Variants in MET observed in about 807,000 individuals in gnomAD.
The protein encoded by MET is hepatocyte growth factor receptor.
In MET, 48 loss-of-function variants were observed where a neutral mutation model predicts 133.1. The observed-to-expected ratio is 0.36, with a 90% CI of 0.29 to 0.46. The LOEUF is 0.46. MET is among the 20% of genes least tolerant of loss of function. MET has a pLI of 1.00. For missense variants in MET, 1,442 were observed against 1,695.9 expected, an observed-to-expected ratio of 0.85 and a Z score of 2.63; for synonymous variants, 628 against 616.5, an observed-to-expected ratio of 1.02 and a Z score of -0.28.
intron 2 of MET, chr7:116,724,284 C>A (rs1440134288): frequency 5.8e-6 from 1 of 172,284 alleles, no homozygotes; most frequent in African/African-American, 2.4e-5. Context: ...ATCCCTGACC[C>A]CTTGTGCTTC....
chr7:116,678,972 A>T (rs1294821030), intron 1 of MET, among the ~76,000 whole-genome samples: 2 of 152,184 alleles, frequency 1.3e-5, no homozygotes, highest in Non-Finnish European at 2.9e-5. Flanking sequence ...CAAAAATCTG[A>T]TTAGGTCTAA....
chr7:116,795,618 T>G, intron 19 of MET, 37 bp from the exon 20 acceptor site: 1 of 1,612,550 alleles, frequency 6.2e-7, no homozygotes, highest in Non-Finnish European at 8.5e-7. Context: ...TATGGTCACA[T>G]CTCTCACCTC....
At chr7:116,717,825 A>G (rs898666331) in intron 2 of MET, among the ~76,000 whole-genome samples, 1 of 152,244 alleles carries the variant, frequency 6.6e-6, no homozygotes, top group Non-Finnish European at 1.5e-5. Context: ...TATTCACTGC[A>G]TACATCATAA....
intron 19 of MET, among the ~76,000 whole-genome samples, chr7:116,791,308 T>A (rs940017518): frequency 7.9e-5 from 12 of 152,170 alleles, no homozygotes; most frequent in African/African-American, 2.9e-4. Context: ...TCATTTTATG[T>A]CCCCACCAGC....
rs2116837050 is a variant in MET at position 116,740,980 on chromosome 7, G to T, written c.1656G>T (p.Leu552=). The T allele has an allele frequency of 6.2e-7, 1 of 1,613,972 alleles. No individual in the cohort carries two copies. Among genetic ancestry groups the T allele is most frequent in the Non-Finnish European group, 8.5e-7 (1 of 1,179,998 alleles). The part of the protein sequence containing the change: ...HDKCVRSEEC[L]SGTWTQQICL... Reference sequence around the variant, plus strand: ...AATGTGTGCGATCGGAGGAATGCCTGAGCGGGACATGGACTCAACAGATCT... The same window carrying T: ...AATGTGTGCGATCGGAGGAATGCCTTAGCGGGACATGGACTCAACAGATCT... The change falls in exon 5 of 21, where the codon CTG becomes CTT. Residue 552 remains leucine (L), a synonymous_variant. Transcript: ENST00000397752.
At position 116,795,778 on chromosome 7, in the gene MET, T is replaced by C. The variant is rs2117109085; in HGVS notation, c.3922T>C (p.Cys1308Arg). The C allele has an allele frequency of 6.2e-7, 1 of 1,614,204 alleles. No homozygotes were observed. Among genetic ancestry groups the C allele is most frequent in the Non-Finnish European group, 8.5e-7 (1 of 1,180,026 alleles). ...GAGAAGACTCCTACAACCCGAATAC[T>C]GCCCAGACCCCTTGTAAGTAGTCTT... ...QGRRLLQPEY[C>R]PDPLYEVMLK... Residue 1308 changes from cysteine to arginine, a missense_variant, in exon 20 of 21, where the codon TGC (cysteine) becomes CGC (arginine). Physicochemically the swap from Cys to Arg is radical, Grantham distance 180. This residue lies in a region of MET where 94 missense variants were observed against 109.5 expected (regional missense o/e 0.86). Coordinates refer to ENST00000397752, the MANE Select transcript of MET (RefSeq NM_000245.4).
intron 1 of MET, among the ~76,000 whole-genome samples, chr7:116,698,454 C>T (rs1256150784): frequency 2.0e-5 from 3 of 152,170 alleles, no homozygotes; most frequent in Non-Finnish European, 4.4e-5. Flanking sequence ...CTGTCTAAAA[C>T]AATAGGTTAA....
At chr7:116,785,946 G>A (rs1795299234) in intron 19 of MET, among the ~76,000 whole-genome samples, 1 of 152,244 alleles carries the variant, frequency 6.6e-6, no homozygotes, top group African/African-American at 2.4e-5. Flanking sequence ...TCCAGGCAGA[G>A]AAGTCCATCA....
intron 14 of MET, 119 bp downstream of exon 14, chr7:116,772,108 A>G (rs2116999971): frequency 1.8e-6 from 2 of 1,094,124 alleles, no homozygotes; most frequent in Non-Finnish European, 2.7e-6. Flanking sequence ...GGAAGTATTT[A>G]CCTCTGCCAA....
intron 2 of MET, among the ~76,000 whole-genome samples, chr7:116,711,078 G>A (rs75081540): frequency 0.044 from 6,753 of 152,218 alleles, 180 homozygotes; most frequent in South Asian, 0.069. Context: ...GTGAATGGCT[G>A]GCCAATTATT....
At chr7:116,795,611 G>T in intron 19 of MET, 44 bp from the exon 20 acceptor site, 1 of 1,612,046 alleles carries the variant, frequency 6.2e-7, no homozygotes, top group South Asian at 1.1e-5. Context: ...ATATATGTAT[G>T]GTCACATCTC....
At chr7:116,784,768 C>G (rs188590680) in intron 19 of MET, among the ~76,000 whole-genome samples, 1 of 152,304 alleles carries the variant, frequency 6.6e-6, no homozygotes, top group Non-Finnish European at 1.5e-5. Context: ...GTCCTTCTCA[C>G]ATTTCAAAAC....
At position 116,726,027 on chromosome 7, in the gene MET, AC is replaced by A. The variant is rs1440807671; in HGVS notation, c.1201-5638del. Among the ~76,000 whole-genome samples the A allele has an allele frequency of 2.0e-5, 3 of 147,260 alleles. No homozygotes were observed. In the Admixed American group the frequency reaches 2.0e-4, roughly 10 times the overall value. On this transcript the variant is annotated intron_variant, in intron 2 of 20. Coordinates refer to ENST00000397752, the MANE Select transcript of MET (RefSeq NM_000245.4). ...ACTCCAGCATGGGTGACAGGGGGAT[AC>A]CCTGTCTCTCAAAAAAGAAACTAAA...
At chr7:116,691,090 A>C (rs541239627) in intron 1 of MET, among the ~76,000 whole-genome samples, 1 of 152,334 alleles carries the variant, frequency 6.6e-6, no homozygotes, top group Admixed American at 6.5e-5. Flanking sequence ...TTATGACTGT[A>C]ATTTCCTTAA....
chr7:116,728,674 A>C (rs1275328045), intron 2 of MET, among the ~76,000 whole-genome samples: 2 of 152,100 alleles, frequency 1.3e-5, no homozygotes, highest in Non-Finnish European at 2.9e-5. Context: ...AGATGCACTA[A>C]TTTTTCAGCA....
At chr7:116,795,444 A>G (rs1795638538) in intron 19 of MET, among the ~76,000 whole-genome samples, 1 of 152,266 alleles carries the variant, frequency 6.6e-6, no homozygotes, top group South Asian at 2.1e-4. Flanking sequence ...TCTTTTAGAA[A>G]ACTTTACATT....
chr7:116,756,739 T>C (rs1199757803), intron 6 of MET, among the ~76,000 whole-genome samples: 1 of 152,232 alleles, frequency 6.6e-6, no homozygotes, highest in Admixed American at 6.5e-5. Context: ...CCTGTTGACA[T>C]ACTTTAATGA....
chr7:116,791,896 C>T (rs368017318), intron 19 of MET, among the ~76,000 whole-genome samples: 3 of 152,148 alleles, frequency 2.0e-5, no homozygotes, highest in East Asian at 3.8e-4. Context: ...TCAAGTGATC[C>T]GCCTGCCTTG....
rs767214353 is a variant in MET at position 116,796,019 on chromosome 7, T to C, written c.4068T>C (p.Tyr1356=). 8 of 1,613,928 alleles carry C rather than the reference T, an allele frequency of 5.0e-6. No homozygotes were observed. Among genetic ancestry groups the C allele is most frequent in the Non-Finnish European group, 6.8e-6 (8 of 1,179,922 alleles). The stretch of plus-strand genomic sequence containing the variant: ...ACTATGTCCATGTGAACGCTACTTA[T>C]GTGAACGTAAAATGTGTCGCTCCGT... ...GEHYVHVNAT[Y]VNVKCVAPYP... is the part of the protein sequence containing the mutation. Residue 1356 remains tyrosine (Y), a synonymous_variant, in exon 21 of 21, where the codon TAT becomes TAC. Coordinates refer to ENST00000397752, the MANE Select transcript of MET (RefSeq NM_000245.4).
Sources: gnomAD v4.1 joint callset for allele counts (sites outside exome capture counted in the v4.1 genomes callset) on GRCh38, gnomAD v4.1.1 for gene constraint, gnomAD v4.1.1 regional missense constraint, MANE v1.5 for transcripts, NCBI Gene and HGNC (gene_info 2026-07-23, HGNC 2026-07-21) for gene names.